The following ENKUR variants were observed in gnomAD, a reference collection of about 807,000 sequenced individuals.
ENKUR encodes the protein enkurin, TRPC channel interacting protein, also known as enkurin.
In ENKUR, 19 loss-of-function variants were observed where a neutral mutation model predicts 27.6. The observed-to-expected ratio is 0.69, with a 90% CI of 0.48 to 1.01. The LOEUF is 1.01. Ranked by LOEUF, ENKUR falls within the 50% of genes least tolerant of loss-of-function variation. The pLI, the probability that ENKUR is intolerant of heterozygous loss-of-function variation, is 0.00. For missense variants in ENKUR, 312 were observed against 310.5 expected, an observed-to-expected ratio of 1.00 and a Z score of -0.04; for synonymous variants, 117 against 96.9, an observed-to-expected ratio of 1.21 and a Z score of -1.22.
At position 24,994,357 on chromosome 10, in the gene ENKUR, C is replaced by T. The variant is rs867719720; in HGVS notation, c.447+1289G>A. The stretch of plus-strand genomic sequence containing the variant: ...CACTCTTTTTTTTTTTTTTTGACAC[C>T]GAGTCTCGCTCTGTCACCCAGGCTG... On this transcript the variant is annotated intron_variant, in intron 3 of 5. Coordinates refer to ENST00000331161, the MANE Select transcript of ENKUR (RefSeq NM_145010.4). 2.1e-5 allele frequency among the ~76,000 whole-genome samples: 3 copies of T among 145,928 alleles called. No individual in the cohort carries two copies. In the South Asian group the frequency reaches 6.6e-4, roughly 32 times the overall value.
chr10:24,988,313 T>C (rs1485293868), intron 4 of ENKUR, among the ~76,000 whole-genome samples: 2 of 144,696 alleles, frequency 1.4e-5, no homozygotes, highest in African/African-American at 5.0e-5. Context: ...TATTTATATG[T>C]GTGTATATAT....
intron 2 of ENKUR, among the ~76,000 whole-genome samples, chr10:25,044,906 C>T (rs895295970): frequency 6.6e-6 from 1 of 152,202 alleles, no homozygotes; most frequent in Non-Finnish European, 1.5e-5. Context: ...GGATTTCTCC[C>T]TTTATGGAAT....
chr10:25,058,607 C>T (rs970862391), intron 2 of ENKUR, among the ~76,000 whole-genome samples: 1 of 152,134 alleles, frequency 6.6e-6, no homozygotes, highest in Non-Finnish European at 1.5e-5. Flanking sequence ...AGATAGCCAA[C>T]AAGAGAGAGA....
At chr10:25,007,982 T>G (rs1850353856) in intron 1 of ENKUR, among the ~76,000 whole-genome samples, 1 of 148,312 alleles carries the variant, frequency 6.7e-6, no homozygotes, top group Non-Finnish European at 1.5e-5. Flanking sequence ...ATTATATATA[T>G]GTATATATAA....
chr10:25,021,382 A>G (rs973337550), intron 2 of ENKUR, among the ~76,000 whole-genome samples: 1 of 152,218 alleles, frequency 6.6e-6, no homozygotes, highest in Non-Finnish European at 1.5e-5. Flanking sequence ...CAACTCAGAC[A>G]CTAATTTCAT....
chr10:24,986,322 G>A (rs1469987546), intron 4 of ENKUR, among the ~76,000 whole-genome samples: 1 of 152,214 alleles, frequency 6.6e-6, no homozygotes, highest in African/African-American at 2.4e-5. Flanking sequence ...GAAGAGGTTG[G>A]TTGGGGAAAA....
intron 2 of ENKUR, among the ~76,000 whole-genome samples, chr10:25,058,915 A>AGT: frequency 7.0e-6 from 1 of 142,022 alleles, no homozygotes; most frequent in South Asian, 2.3e-4. Flanking sequence ...TAGGTGACGG[A>AGT]GTGAGACTCC....
chr10:24,984,330 T>A lies in ENKUR; in HGVS notation c.*40A>T. 6.3e-7 allele frequency: 1 copy of A among 1,588,594 alleles called. No homozygotes were observed. Among genetic ancestry groups the A allele is most frequent in the African/African-American group, 1.4e-5 (1 of 73,358 alleles). ...AGAAGGCACGTGTTACTATTTCCAG[T>A]TCAAAATACTTAACAGTTTTCAAAG... On this transcript the variant is annotated 3_prime_UTR_variant, in exon 6 of 6. Coordinates refer to ENST00000331161, the MANE Select transcript of ENKUR (RefSeq NM_145010.4).
At chr10:25,030,952 T>A (rs189601357) in intron 2 of ENKUR, among the ~76,000 whole-genome samples, 58 of 152,210 alleles carry the variant, frequency 3.8e-4, no homozygotes, top group Admixed American at 2.0e-3. Flanking sequence ...ACCCCGTCTC[T>A]ACTAATAATA....
chr10:25,043,827 T>G (rs1163867433), intron 2 of ENKUR, among the ~76,000 whole-genome samples: 1 of 152,122 alleles, frequency 6.6e-6, no homozygotes, highest in East Asian at 1.9e-4. Context: ...TGACTAGTCT[T>G]TAGTTAACTG....
chr10:25,008,871 G>C (rs532339816), intron 1 of ENKUR, among the ~76,000 whole-genome samples: 1 of 152,132 alleles, frequency 6.6e-6, no homozygotes, highest in Non-Finnish European at 1.5e-5. Flanking sequence ...GTCCAACAAC[G>C]ATAGACTGGA....
chr10:24,995,747 C>G lies in ENKUR; in HGVS notation c.346G>C (p.Gly116Arg). The G allele has an allele frequency of 6.2e-7, 1 of 1,613,996 alleles. No homozygotes were observed. Among genetic ancestry groups the G allele is most frequent in the Non-Finnish European group, 8.5e-7 (1 of 1,179,982 alleles). Residue 116 changes from glycine to arginine, a missense_variant, in exon 3 of 6, where the codon GGA becomes CGA. Physicochemically the swap from Gly to Arg is moderately radical, Grantham distance 125 (BLOSUM62 -2). Coordinates refer to ENST00000331161, the MANE Select transcript of ENKUR (RefSeq NM_145010.4). ...INTNAADIIMGVAKKPKPIYV... is the reference protein window; with the variant it reads ...INTNAADIIMRVAKKPKPIYV... ...ATTGGTTTAGGCTTTTTAGCCACTC[C>G]CATGATGATATCAGCTGCATTTGTA...
chr10:24,990,403 A>C (rs748697047), intron 4 of ENKUR, 60 bp downstream of exon 4: 22 of 1,550,098 alleles, frequency 1.4e-5, no homozygotes, highest in Non-Finnish European at 1.9e-5. Context: ...GTGATGGTAC[A>C]CCTTTCTTTC....
At chr10:25,006,207 C>T (rs1850309820) in intron 1 of ENKUR, among the ~76,000 whole-genome samples, 1 of 152,080 alleles carries the variant, frequency 6.6e-6, no homozygotes. Context: ...TCCAAAACTG[C>T]TTTTGTTTAG....
rs796767020 is a variant in ENKUR, at chr10:25,016,086, C to A, written c.-150G>T. On this transcript the variant is annotated 5_prime_UTR_variant, in exon 1 of 6. Transcript: ENST00000331161. ...TCTCCTTCACATCGTCCCCCTTTAA[C>A]CCCCTCTTAGCAGTCCTCTCTCGGG... 2 of 1,383,740 alleles carry A rather than the reference C, an allele frequency of 1.4e-6. No individual in the cohort carries two copies. Among genetic ancestry groups the A allele is most frequent in the Non-Finnish European group, 1.9e-6 (2 of 1,065,946 alleles). 85.7% of individuals were successfully genotyped at this position (1,383,740 alleles called of 1,614,324 possible).
chr10:25,001,271 T>C (rs1850183755), intron 1 of ENKUR, among the ~76,000 whole-genome samples: 1 of 151,912 alleles, frequency 6.6e-6, no homozygotes, highest in South Asian at 2.1e-4. Context: ...TTTTTTCTTC[T>C]TCTTCTATAT....
In ENKUR at chr10:25,057,419, ACACACACAC is replaced by A. The variant is rs1564359444; in HGVS notation, c.37+3684_37+3692del. Reference sequence around the variant, plus strand: ...CACACACACACACACACACACACACACACACACACAATGCCCTTAAATCGCTCTTCAGTT... The same window carrying A: ...CACACACACACACACACACACACACAAATGCCCTTAAATCGCTCTTCAGTT... On this transcript the variant is annotated intron_variant, in intron 2 of 5. Transcript: ENST00000615958. Among the ~76,000 whole-genome samples, 148 of 147,118 alleles carry A rather than the reference ACACACACAC, an allele frequency of 1.0e-3. 2 individuals carry two copies. The highest frequency in any genetic ancestry group is 3.4e-3 in the African/African-American group (135 of 40,138).
intron 1 of ENKUR, among the ~76,000 whole-genome samples, chr10:25,000,481 A>G (rs897684990): frequency 9.9e-5 from 15 of 152,084 alleles, no homozygotes; most frequent in Non-Finnish European, 1.8e-4. Context: ...TGCTTTATGT[A>G]TTTTGAAACT....
intron 2 of ENKUR, among the ~76,000 whole-genome samples, chr10:25,036,040 T>C (rs1851003744): frequency 6.6e-6 from 1 of 152,232 alleles, no homozygotes; most frequent in Admixed American, 6.5e-5. Flanking sequence ...TATTGTGTGA[T>C]AAATACTATA....
Sources: gnomAD v4.1 joint callset for allele counts (sites outside exome capture counted in the v4.1 genomes callset) on GRCh38, gnomAD v4.1.1 for gene constraint, MANE v1.5 for transcripts, NCBI Gene and HGNC (gene_info 2026-07-23, HGNC 2026-07-21) for gene names.